The following FAT1 variants were observed in gnomAD, a reference collection of about 807,000 sequenced individuals.
FAT1 encodes protocadherin Fat 1.
In FAT1, 171 loss-of-function variants were observed where a neutral mutation model predicts 329.8. The ratio of observed to expected loss-of-function variants is 0.52; its 90% CI spans 0.46 to 0.59. The LOEUF is 0.59. FAT1 is among the 20% of genes least tolerant of loss of function. The pLI is 0.00. For synonymous variants in FAT1, 2,233 were observed against 2,228.6 expected (o/e 1.00, Z -0.06); for missense variants, 5,672 against 5,774.4 (o/e 0.98, Z 0.57).
At chr4:186,606,705 A>C (rs1481702743) in intron 16 of FAT1, among the ~76,000 whole-genome samples, 4 of 151,810 alleles carry the variant, frequency 2.6e-5, no homozygotes, top group Non-Finnish European at 5.9e-5. Flanking sequence ...TCAATTTCAC[A>C]CTCGGATTAT....
In FAT1 at chr4:186,709,462, T is replaced by C. The variant is rs2126704396; in HGVS notation, c.366A>G (p.Ala122=). Residue 122 remains alanine, a synonymous_variant, in exon 2 of 27, where the codon GCA becomes GCG. Transcript: ENST00000441802. ...VKDHYTLIVK[A]LEKNTNVEAR... is the part of the protein sequence containing the mutation. Reference sequence around the variant, plus strand: ...CCTCCACATTAGTATTTTTTTCAAGTGCTTTCACTATCAATGTGTAGTGAT... The same window carrying C: ...CCTCCACATTAGTATTTTTTTCAAGCGCTTTCACTATCAATGTGTAGTGAT... 1 of 1,613,996 alleles carries C rather than the reference T, an allele frequency of 6.2e-7. No homozygotes were observed. Among genetic ancestry groups the C allele is most frequent in the South Asian group, 1.1e-5 (1 of 91,084 alleles).
chr4:186,634,577 T>C (rs888157054), intron 6 of FAT1, among the ~76,000 whole-genome samples: 2 of 151,676 alleles, frequency 1.3e-5, no homozygotes, highest in Non-Finnish European at 2.9e-5. Context: ...GGCAACACGC[T>C]GGCGAGTGGG....
intron 2 of FAT1, among the ~76,000 whole-genome samples, chr4:186,704,429 T>A (rs1744476056): frequency 6.6e-6 from 1 of 152,134 alleles, no homozygotes; most frequent in Admixed American, 6.5e-5. Context: ...AATGATTCCT[T>A]AAAAAGCAAC....
chr4:186,594,991 T>C (rs967392709), intron 26 of FAT1, among the ~76,000 whole-genome samples: 2 of 152,178 alleles, frequency 1.3e-5, no homozygotes, highest in African/African-American at 4.8e-5. Context: ...ATTGTGTTAC[T>C]GAATATTGAC....
At position 186,709,012 on chromosome 4, in the gene FAT1, T is replaced by C. The variant is rs1487491112; in HGVS notation, c.816A>G (p.Ala272=). The change falls in exon 2 of 27, where the codon GCA becomes GCG. Residue 272 remains alanine (A), a synonymous_variant. Transcript: ENST00000441802. ...AGTCATCCACTGTCACAATTGCATA[T>C]GCTGGGTCCCTGTCCAGTTCTGATG... ...LSPSELDRDP[A]YAIVTVDDCD... is the part of the protein sequence containing the mutation. 6.2e-7 allele frequency: 1 copy of C among 1,614,054 alleles called. No homozygotes were observed. Among genetic ancestry groups the C allele is most frequent in the South Asian group, 1.1e-5 (1 of 91,084 alleles).
chr4:186,631,328 C>T (rs1740578798), intron 7 of FAT1, among the ~76,000 whole-genome samples: 1 of 151,612 alleles, frequency 6.6e-6, no homozygotes, highest in Admixed American at 6.6e-5. Flanking sequence ...CCTAGTGTCT[C>T]ACTGCCCAGC....
At chr4:186,714,755 A>G (rs1745128981) in intron 1 of FAT1, among the ~76,000 whole-genome samples, 1 of 152,234 alleles carries the variant, frequency 6.6e-6, no homozygotes, top group African/African-American at 2.4e-5. Flanking sequence ...GAAGCCTAAC[A>G]TTAGAACTTG....
At chr4:186,690,472 G>T in intron 2 of FAT1, among the ~76,000 whole-genome samples, 1 of 152,130 alleles carries the variant, frequency 6.6e-6, no homozygotes, top group South Asian at 2.1e-4. Flanking sequence ...GAGGCAGGCA[G>T]ATCATCTGAG....
intron 3 of FAT1, among the ~76,000 whole-genome samples, chr4:186,660,173 C>G (rs760445791): frequency 1.3e-5 from 2 of 152,102 alleles, no homozygotes; most frequent in Non-Finnish European, 2.9e-5. Flanking sequence ...CTCCCAAGCA[C>G]TATTTCCTAC....
intron 21 of FAT1, 70 bp from the exon 22 acceptor site, chr4:186,600,430 C>T: frequency 1.5e-6 from 2 of 1,350,840 alleles, no homozygotes; most frequent in South Asian, 1.4e-5. Flanking sequence ...GATCACAAAT[C>T]TACAGGAGAG....
chr4:186,657,480 G>A (rs1741957676), intron 3 of FAT1, among the ~76,000 whole-genome samples: 1 of 152,156 alleles, frequency 6.6e-6, no homozygotes, highest in Non-Finnish European at 1.5e-5. Context: ...GACTAGAGAT[G>A]GAGGTGGGAG....
Position 186,604,409 on chromosome 4 carries a change from T to C in FAT1, c.10516A>G (p.Lys3506Glu). The change falls in exon 18 of 27, where the codon AAG becomes GAG. Residue 3506 changes from lysine to glutamate, a missense_variant. Coordinates refer to ENST00000441802, the MANE Select transcript of FAT1 (RefSeq NM_005245.4). ...VLLTSSAIKRKEKDHYLLQVK... is the reference protein window; with the variant it reads ...VLLTSSAIKREEKDHYLLQVK... ...TGCAGTAAGTAATGATCTTTCTCCT[T>C]CCTCTTGATGGCAGATGATGTCAGG... is the stretch of plus-strand genomic sequence containing the variant. The C allele has an allele frequency of 1.2e-6, 2 of 1,613,718 alleles. No homozygotes were observed. Among genetic ancestry groups the C allele is most frequent in the South Asian group, 1.1e-5 (1 of 91,002 alleles).
intron 2 of FAT1, among the ~76,000 whole-genome samples, chr4:186,691,356 C>CTATA (rs1424478967): frequency 6.6e-6 from 1 of 152,206 alleles, no homozygotes; most frequent in South Asian, 2.1e-4. Context: ...ACATGATCTT[C>CTATA]TATATACTAT....
At position 186,588,702 on chromosome 4, in the gene FAT1, A is replaced by G. The variant is rs756828769; in HGVS notation, c.13657T>C (p.Cys4553Arg). The change falls in exon 27 of 27, where the codon TGC becomes CGC. Residue 4553 changes from cysteine to arginine, a missense_variant. Physicochemically the swap from Cys to Arg is radical, Grantham distance 180. This residue lies in a region of FAT1 where 1,706 missense variants were observed against 1,859.1 expected (regional missense o/e 0.92). Transcript: ENST00000441802. ...ATCATGACCTCGGACTCCACTTCGC[A>G]GCAGGCTGACACGTCAGAGCAGGAG... Reference protein sequence around the residue: ...TASCSDVSACCEVESEVMMSD... With the variant: ...TASCSDVSACREVESEVMMSD... 19 of 1,613,946 alleles carry G rather than the reference A, an allele frequency of 1.2e-5. No homozygotes were observed. Among genetic ancestry groups the G allele is most frequent in the Middle Eastern group, 3.3e-4 (2 of 6,062 alleles).
In FAT1 at chr4:186,589,016, A is replaced by C; in HGVS notation, c.13343T>G (p.Leu4448Arg). The C allele has an allele frequency of 6.2e-7, 1 of 1,613,916 alleles. No homozygotes were observed. Among genetic ancestry groups the C allele is most frequent in the Non-Finnish European group, 8.5e-7 (1 of 1,179,864 alleles). ...PPEDFPAADE[L>R]PPLPPEFSNQ... ...GCTGAATTCGGGCGGTAACGGTGGTAGCTCATCAGCTGCGGGGAAGTCTTC... is the reference window on the plus strand; with the variant it reads ...GCTGAATTCGGGCGGTAACGGTGGTCGCTCATCAGCTGCGGGGAAGTCTTC... The change falls in exon 27 of 27, where the codon CTA becomes CGA. Residue 4448 changes from leucine (L) to arginine (R), a missense_variant. This residue lies in a region of FAT1 where 1,706 missense variants were observed against 1,859.1 expected (regional missense o/e 0.92). Transcript: ENST00000441802.
At chr4:186,589,821 C>T (rs1738150632) in intron 26 of FAT1, among the ~76,000 whole-genome samples, 1 of 152,224 alleles carries the variant, frequency 6.6e-6, no homozygotes, top group Non-Finnish European at 1.5e-5. Context: ...TGTGAGCCAT[C>T]AGGCCCAGCC....
At chr4:186,594,390 T>A (rs1052682007) in intron 26 of FAT1, among the ~76,000 whole-genome samples, 1 of 151,922 alleles carries the variant, frequency 6.6e-6, no homozygotes, top group African/African-American at 2.4e-5. Context: ...AAGACTGATG[T>A]TCCAACAACA....
intron 2 of FAT1, among the ~76,000 whole-genome samples, chr4:186,667,771 G>C (rs1057008837): frequency 7.2e-5 from 11 of 152,216 alleles, no homozygotes; most frequent in Non-Finnish European, 1.0e-4. Context: ...TGAGGAAAGA[G>C]AAGCTTAGAT....
At chr4:186,647,970 T>C (rs986657282) in intron 3 of FAT1, among the ~76,000 whole-genome samples, 6 of 152,186 alleles carry the variant, frequency 3.9e-5, no homozygotes, top group Non-Finnish European at 8.8e-5. Flanking sequence ...AATACACTCA[T>C]GGGCGGACTG....
Sources: allele counts gnomAD v4.1 joint callset (sites outside exome capture counted in the v4.1 genomes callset), GRCh38; gene constraint gnomAD v4.1.1; regional missense constraint gnomAD v4.1.1; transcripts MANE v1.5; gene names NCBI Gene and HGNC (gene_info 2026-07-23, HGNC 2026-07-21).